SYT1: variants seen among roughly 807,000 people sequenced by gnomAD.
SYT1 encodes the protein synaptotagmin-1.
SYT1 carries 8 observed loss-of-function variants against 44.8 expected under a neutral mutation model. The observed-to-expected ratio is 0.18, with a 90% CI of 0.10 to 0.32. The LOEUF is 0.32. Among genes scored for constraint, SYT1 ranks in the 10% least tolerant of loss-of-function variants. SYT1 has a pLI of 1.00. For missense variants in SYT1, 286 were observed against 509.3 expected, an observed-to-expected ratio of 0.56 and a Z score of 4.22; for synonymous variants, 154 against 188.8, an observed-to-expected ratio of 0.82 and a Z score of 1.51.
At chr12:79,065,376 G>C (rs1290028558) in intron 3 of SYT1, among the ~76,000 whole-genome samples, 1 of 152,186 alleles carries the variant, frequency 6.6e-6, no homozygotes, top group Non-Finnish European at 1.5e-5. Context: ...GGGCGACTGA[G>C]CGAGACTCTG....
chr12:79,103,592 T>C (rs1878551535), intron 3 of SYT1, among the ~76,000 whole-genome samples: 1 of 152,030 alleles, frequency 6.6e-6, no homozygotes, highest in South Asian at 2.1e-4. Flanking sequence ...TTCAAAAAGT[T>C]TTAATTGAAT....
chr12:79,406,628 G>T (rs1223485641), intron 9 of SYT1, among the ~76,000 whole-genome samples: 1 of 152,100 alleles, frequency 6.6e-6, no homozygotes, highest in East Asian at 1.9e-4. Context: ...CTGATCTCTA[G>T]TTGCTGCTTC....
At chr12:78,919,529 C>T (rs971278817) in intron 1 of SYT1, among the ~76,000 whole-genome samples, 3 of 152,138 alleles carry the variant, frequency 2.0e-5, no homozygotes, top group Middle Eastern at 3.4e-3. Context: ...CTTTGCTTTG[C>T]CAAGAAACAA....
At chr12:79,245,369 G>A (rs1160973553) in intron 4 of SYT1, among the ~76,000 whole-genome samples, 1 of 150,216 alleles carries the variant, frequency 6.7e-6, no homozygotes, top group Non-Finnish European at 1.5e-5. Context: ...CAGCTACTCG[G>A]GAGTTTGAGG....
chr12:78,942,884 C>G (rs542405267), intron 1 of SYT1, among the ~76,000 whole-genome samples: 61 of 152,144 alleles, frequency 4.0e-4, no homozygotes, highest in Non-Finnish European at 7.9e-4. Context: ...GCGGAACTCT[C>G]AAAGTCATGT....
intron 3 of SYT1, among the ~76,000 whole-genome samples, chr12:79,086,717 A>G (rs539332967): frequency 1.3e-5 from 2 of 152,256 alleles, no homozygotes; most frequent in East Asian, 3.9e-4. Context: ...GGGGTTGTCA[A>G]ATATCATTGG....
chr12:79,352,215 A>G (rs373207071), intron 8 of SYT1, among the ~76,000 whole-genome samples: 82 of 150,910 alleles, frequency 5.4e-4, no homozygotes, highest in African/African-American at 1.9e-3. Flanking sequence ...AACGGGGGGG[A>G]ATTACATTTT....
chr12:79,190,564 C>T (rs577083754), intron 3 of SYT1, among the ~76,000 whole-genome samples: 15 of 152,224 alleles, frequency 9.9e-5, no homozygotes, highest in South Asian at 2.1e-4. Flanking sequence ...CATCCTAGTG[C>T]AGTACTCCAC....
chr12:79,311,254 A>G (rs569426170), intron 8 of SYT1, among the ~76,000 whole-genome samples: 1 of 152,208 alleles, frequency 6.6e-6, no homozygotes, highest in Non-Finnish European at 1.5e-5. Context: ...GCAGCCAAAA[A>G]ACACATGAAA....
intron 8 of SYT1, among the ~76,000 whole-genome samples, chr12:79,307,683 A>G (rs1490904008): frequency 6.6e-6 from 1 of 152,100 alleles, no homozygotes; most frequent in Non-Finnish European, 1.5e-5. Flanking sequence ...TTGCGATTAC[A>G]GTCATGGCCA....
intron 1 of SYT1, among the ~76,000 whole-genome samples, chr12:78,921,299 G>T (rs1236668357): frequency 6.6e-6 from 1 of 151,860 alleles, no homozygotes; most frequent in Non-Finnish European, 1.5e-5. Flanking sequence ...GTTATCTATT[G>T]CTTCATCTAA....
chr12:79,007,853 T>A (rs960262200), intron 2 of SYT1, among the ~76,000 whole-genome samples: 8 of 151,996 alleles, frequency 5.3e-5, no homozygotes, highest in Non-Finnish European at 1.2e-4. Context: ...AGATAGGAAA[T>A]GCATGTGGAT....
chr12:79,034,925 T>C (rs1204283611), intron 2 of SYT1, among the ~76,000 whole-genome samples: 1 of 151,660 alleles, frequency 6.6e-6, no homozygotes, highest in Non-Finnish European at 1.5e-5. Context: ...GCATGAGAAG[T>C]TGATTATTTC....
At chr12:79,424,593 G>T (rs749837396) in intron 9 of SYT1, among the ~76,000 whole-genome samples, 7 of 152,038 alleles carry the variant, frequency 4.6e-5, no homozygotes, top group Non-Finnish European at 8.8e-5. Flanking sequence ...AGTTTTTCTT[G>T]CTCATCCACT....
At chr12:79,438,437 C>G (rs1171977963) in intron 9 of SYT1, among the ~76,000 whole-genome samples, 1 of 152,034 alleles carries the variant, frequency 6.6e-6, no homozygotes, top group Non-Finnish European at 1.5e-5. Flanking sequence ...TGGAAGGAAC[C>G]CTTCAGAAAT....
intron 4 of SYT1, among the ~76,000 whole-genome samples, chr12:79,281,654 A>G (rs542971341): frequency 1.3e-5 from 2 of 152,280 alleles, no homozygotes; most frequent in South Asian, 4.1e-4. Flanking sequence ...CCAAACCCCT[A>G]GAGCTACTAA....
intron 8 of SYT1, among the ~76,000 whole-genome samples, chr12:79,313,013 G>C (rs1880886855): frequency 6.6e-6 from 1 of 152,220 alleles, no homozygotes; most frequent in Non-Finnish European, 1.5e-5. Context: ...CTTTTGGACT[G>C]AAAAGCTGAG....
intron 3 of SYT1, among the ~76,000 whole-genome samples, chr12:79,102,086 C>T (rs1354093155): frequency 1.3e-5 from 2 of 152,000 alleles, no homozygotes; most frequent in African/African-American, 4.8e-5. Flanking sequence ...TTGCATTTAT[C>T]GCCTCCTAAT....
At position 79,443,462 on chromosome 12, in the gene SYT1, T is replaced by A. The variant is rs368620386; in HGVS notation, c.929-611T>A. 3.9e-5 allele frequency among the ~76,000 whole-genome samples: 6 copies of A among 152,330 alleles called. No individual in the cohort carries two copies. In the East Asian group the frequency reaches 9.6e-4, roughly 24 times the overall value. ...GTCTTTTGTTTCTATATAAACTTAG[T>A]CTATTTTCCCCCACAGTCTGAAGTT... On this transcript the variant is annotated intron_variant, in intron 9 of 10. Transcript: ENST00000261205.
Sources: allele counts gnomAD v4.1 joint callset (sites outside exome capture counted in the v4.1 genomes callset), GRCh38; gene constraint gnomAD v4.1.1; transcripts MANE v1.5; gene names NCBI Gene and HGNC (gene_info 2026-07-23, HGNC 2026-07-21).